The following PITPNM2 variants were observed in gnomAD, a reference collection of about 807,000 sequenced individuals.
PITPNM2 encodes membrane-associated phosphatidylinositol transfer protein 2.
PITPNM2 carries 35 observed loss-of-function variants against 132.2 expected under a neutral mutation model. The observed-to-expected ratio is 0.26, with a 90% CI of 0.20 to 0.35. PITPNM2 has a LOEUF of 0.35. PITPNM2 is among the 10% of genes least tolerant of loss of function. The probability of loss-of-function intolerance (pLI) is 1.00; values close to 1 mark genes in which losing one functional copy is unlikely to be tolerated. For missense variants in PITPNM2, 1,332 were observed against 1,912.0 expected (o/e 0.70, Z 5.66); for synonymous variants, 738 against 799.2 (o/e 0.92, Z 1.29).
rs1420356325 is a variant in PITPNM2 at position 123,036,509 on chromosome 12, C to T, written c.-95-1824G>A. ...GACCAGCCTGGGAAACATAGCAAGA[C>T]CCTCCTCTCTATTAAAAAAGAACCC... On this transcript the variant is annotated intron_variant, in intron 2 of 25. Coordinates refer to ENST00000320201, the MANE Select transcript of PITPNM2 (RefSeq NM_020845.3). This position sits in a 1 kb window ranked among gnomAD's most constrained non-coding sequence, Gnocchi z 4.1. 3.3e-5 allele frequency among the ~76,000 whole-genome samples: 5 copies of T among 152,190 alleles called. No individual in the cohort carries two copies. The highest frequency in any genetic ancestry group is 7.3e-5 in the Non-Finnish European group (5 of 68,028).
At chr12:123,096,931 G>A (rs1212553751) in intron 2 of PITPNM2, among the ~76,000 whole-genome samples, 1 of 152,230 alleles carries the variant, frequency 6.6e-6, no homozygotes, top group Non-Finnish European at 1.5e-5. Context: ...ACTAAAGGAT[G>A]CTGGACTGGT....
intron 2 of PITPNM2, among the ~76,000 whole-genome samples, chr12:123,075,085 CCTGCA>C (rs2041743199): frequency 6.6e-6 from 1 of 152,170 alleles, no homozygotes; most frequent in African/African-American, 2.4e-5. Context: ...CATGTGCATG[CCTGCA>C]TGGCATGTGC....
At chr12:123,072,809 C>G (rs2041655260) in intron 2 of PITPNM2, among the ~76,000 whole-genome samples, 1 of 152,252 alleles carries the variant, frequency 6.6e-6, no homozygotes. Context: ...AAACCAGCAC[C>G]CAGTCAGGAA....
intron 1 of PITPNM2, among the ~76,000 whole-genome samples, chr12:123,127,856 G>A (rs868091643): frequency 3.9e-5 from 6 of 152,124 alleles, no homozygotes; most frequent in South Asian, 2.1e-4. Context: ...TGATCCGCCC[G>A]CCTTGGCCTC....
At position 123,005,750 on chromosome 12, in the gene PITPNM2, A is replaced by C; in HGVS notation, c.644-202T>G. 1.7e-6 allele frequency: 1 copy of C among 590,670 alleles called. No homozygotes were observed. The highest frequency in any genetic ancestry group is 3.0e-6 in the Non-Finnish European group (1 of 335,706). The allele number at this position is 590,670 out of a possible 1,614,324, so 36.6% of individuals were successfully genotyped here. A position where few individuals can be genotyped will look rare whatever the true frequency, so the allele number is the denominator to read the frequency against. On this transcript the variant is annotated intron_variant, in intron 6 of 25. Transcript: ENST00000320201. The surrounding 1 kb of genome is among the most constrained non-coding windows in gnomAD (Gnocchi z 6.2). The stretch of plus-strand genomic sequence containing the variant: ...GGCTCACAGATAGTCTCACAAGCTC[A>C]TAGTGGTTCTATAATTAGAGTGGAG...
chr12:123,075,898 A>G (rs1487172339), intron 2 of PITPNM2: 1 of 152,260 alleles, frequency 6.6e-6, no homozygotes, highest in Non-Finnish European at 1.5e-5. Context: ...GGGCTTGGTA[A>G]CTGAACACAC....
intron 1 of PITPNM2, among the ~76,000 whole-genome samples, chr12:123,139,033 G>A (rs2043441673): frequency 6.6e-6 from 1 of 152,132 alleles, no homozygotes; most frequent in Admixed American, 6.6e-5. Flanking sequence ...AGCTACTTGG[G>A]AGGCTGAGGC....
At chr12:122,986,918 G>A in intron 23 of PITPNM2, 89 bp from the exon 24 acceptor site, 1 of 1,410,776 alleles carries the variant, frequency 7.1e-7, no homozygotes, top group South Asian at 1.4e-5. Context: ...TTGGGCCATT[G>A]GAAAGCACAT....
chr12:123,105,701 C>T (rs2042693577), intron 2 of PITPNM2, among the ~76,000 whole-genome samples: 1 of 152,160 alleles, frequency 6.6e-6, no homozygotes, highest in Admixed American at 6.5e-5. Context: ...CCAGCTGCCT[C>T]CCTGCAGGTG....
chr12:122,987,370 C>A lies in PITPNM2; in HGVS notation c.3324G>T (p.Val1108=). 6.2e-7 allele frequency: 1 copy of A among 1,613,572 alleles called. No individual in the cohort carries two copies. The highest frequency in any genetic ancestry group is 8.5e-7 in the Non-Finnish European group (1 of 1,180,038). The change falls in exon 23 of 26, where the codon GTG becomes GTT. Residue 1108 remains valine (V), a synonymous_variant. Transcript: ENST00000320201. ...ITVLPKGTEF[V]VFSIDGSFAA... is the part of the protein sequence containing the mutation. ...CAAAGGAACCGTCGATGCTGAAGAC[C>A]ACGAACTCTGTGCCCTTGGGCAGCA...
chr12:123,046,554 C>A (rs1339382857), intron 2 of PITPNM2, among the ~76,000 whole-genome samples: 1 of 152,098 alleles, frequency 6.6e-6, no homozygotes, highest in Admixed American at 6.6e-5. Flanking sequence ...TTTTCCTCAC[C>A]CAAAAAGAAA....
rs2038644516 is a variant in PITPNM2 at position 123,001,028 on chromosome 12, TCTGCAGCACCC to T, written c.1153+15_1153+25del. On this transcript the variant is annotated intron_variant, in intron 9 of 25. Coordinates refer to ENST00000320201, the MANE Select transcript of PITPNM2 (RefSeq NM_020845.3). ...AGCCCTGCAACCGCCCTCCCCAGGC[TCTGCAGCACCC>T]CCAGACCTGCTGACCTTGTGTGTCT... 1.2e-6 allele frequency: 2 copies of T among 1,602,712 alleles called. No homozygotes were observed. The highest frequency in any genetic ancestry group is 1.7e-6 in the Non-Finnish European group (2 of 1,169,794).
intron 2 of PITPNM2, among the ~76,000 whole-genome samples, chr12:123,094,099 C>G (rs2042342967): frequency 6.6e-6 from 1 of 152,232 alleles, no homozygotes. Context: ...CATCGTCAAA[C>G]ACTCCAGGTG....
At chr12:122,999,707 G>A (rs1566238373) in intron 10 of PITPNM2, among the ~76,000 whole-genome samples, 1 of 152,158 alleles carries the variant, frequency 6.6e-6, no homozygotes, top group Non-Finnish European at 1.5e-5. Flanking sequence ...AGTTGGGGCT[G>A]AGCCCCCTGC....
At position 123,000,630 on chromosome 12, in the gene PITPNM2, G is replaced by A. The variant is rs904550238; in HGVS notation, c.1224+148C>T. ...GCAGGGCAGCAAAAAAGGAGGCCCA[G>A]GCCTCTCCCCAGACAGTACCCAGGC... On this transcript the variant is annotated intron_variant, in intron 10 of 25. Coordinates refer to ENST00000320201, the MANE Select transcript of PITPNM2 (RefSeq NM_020845.3). The surrounding 1 kb of genome is among the most constrained non-coding windows in gnomAD (Gnocchi z 5.4). 1.9e-5 allele frequency: 17 copies of A among 892,574 alleles called. No individual in the cohort carries two copies. The highest frequency in any genetic ancestry group is 1.0e-4 in the African/African-American group (6 of 59,826). The allele number at this position is 892,574 out of a possible 1,614,324, so 55.3% of individuals were successfully genotyped here.
chr12:123,124,321 A>G (rs975468873), intron 1 of PITPNM2, among the ~76,000 whole-genome samples: 6 of 152,154 alleles, frequency 3.9e-5, no homozygotes, highest in Admixed American at 1.3e-4. Context: ...AATTCCAGCT[A>G]CTTGGGAGAC....
chr12:122,997,004 C>T, intron 11 of PITPNM2, 94 bp from the exon 12 acceptor site: 4 of 1,239,264 alleles, frequency 3.2e-6, no homozygotes, highest in Non-Finnish European at 4.4e-6. Flanking sequence ...ATGGACTCAG[C>T]ATACGCTAGT....
In PITPNM2 at chr12:123,005,251, G is replaced by T. The variant is rs774442843; in HGVS notation, c.941C>A (p.Ser314Tyr). ...GCGCAGGGCCTTACCTCCCCGCTTG[G>T]ACGACCGAGACGACTTGGAGGATGT... ...WSTSSKSSRS[S>Y]KRGASPSRHS... Residue 314 changes from serine (S) to tyrosine (Y), a missense_variant, in exon 7 of 26, where the codon TCC (serine) becomes TAC (tyrosine). This residue lies in a region of PITPNM2 where 710 missense variants were observed against 911.5 expected (regional missense o/e 0.78). Coordinates refer to ENST00000320201, the MANE Select transcript of PITPNM2 (RefSeq NM_020845.3). The surrounding 1 kb of genome is among the most constrained non-coding windows in gnomAD (Gnocchi z 6.2). 1 of 1,611,898 alleles carries T rather than the reference G, an allele frequency of 6.2e-7. No homozygotes were observed. Among genetic ancestry groups the T allele is most frequent in the Non-Finnish European group, 8.5e-7 (1 of 1,178,444 alleles).
intron 2 of PITPNM2, among the ~76,000 whole-genome samples, chr12:123,049,397 G>T (rs1425725135): frequency 6.6e-6 from 1 of 152,148 alleles, no homozygotes; most frequent in Non-Finnish European, 1.5e-5. Flanking sequence ...GTGAGATCCC[G>T]TGTGCCCTGT....
Sources: allele counts gnomAD v4.1 joint callset (sites outside exome capture counted in the v4.1 genomes callset), GRCh38; gene constraint gnomAD v4.1.1; regional missense constraint gnomAD v4.1.1; non-coding constraint Gnocchi (gnomAD v3.1); transcripts MANE v1.5; gene names NCBI Gene and HGNC (gene_info 2026-07-23, HGNC 2026-07-21).